HIBADH: variants seen among roughly 807,000 people sequenced by gnomAD.
HIBADH encodes 3-hydroxyisobutyrate dehydrogenase.
HIBADH carries 25 observed loss-of-function variants against 36.1 expected under a neutral mutation model. That is an observed-to-expected ratio of 0.69 (90% CI 0.50 to 0.97). HIBADH has a LOEUF of 0.97. Ranked by LOEUF, HIBADH falls within the 50% of genes least tolerant of loss-of-function variation. The probability of loss-of-function intolerance (pLI) is 0.00; values close to 1 mark genes in which losing one functional copy is unlikely to be tolerated. For synonymous variants in HIBADH, 160 were observed against 149.5 expected, an observed-to-expected ratio of 1.07 and a Z score of -0.51; for missense variants, 421 against 418.0, an observed-to-expected ratio of 1.01 and a Z score of -0.06.
intron 4 of HIBADH, among the ~76,000 whole-genome samples, chr7:27,580,067 T>C (rs1784767297): frequency 6.6e-6 from 1 of 152,168 alleles, no homozygotes; most frequent in Non-Finnish European, 1.5e-5. Flanking sequence ...TAGAACTAAA[T>C]TAAAATACAT....
At chr7:27,632,577 G>C in intron 2 of HIBADH, 132 bp from the exon 3 acceptor site, 13 of 219,464 alleles carry the variant, frequency 5.9e-5, no homozygotes, top group East Asian at 2.0e-4. Context: ...GTTTGCAAAT[G>C]ACCAAAAAAA....
chr7:27,612,959 T>TTATTTATATATATATTATATATA (rs1785347963), intron 4 of HIBADH, among the ~76,000 whole-genome samples: 1 of 138,738 alleles, frequency 7.2e-6, no homozygotes, highest in African/African-American at 2.6e-5. Flanking sequence ...TATATATATA[T>TTATTTATATATATATTATATATA]TATTTATATA....
At chr7:27,546,327 C>T (rs1048577199) in intron 4 of HIBADH, among the ~76,000 whole-genome samples, 5 of 151,994 alleles carry the variant, frequency 3.3e-5, no homozygotes, top group African/African-American at 9.7e-5. Flanking sequence ...CTTTATTGCC[C>T]AGGTTGGTCT....
At chr7:27,623,912 C>T (rs1186516064) in intron 4 of HIBADH, among the ~76,000 whole-genome samples, 2 of 152,200 alleles carry the variant, frequency 1.3e-5, no homozygotes, top group Admixed American at 1.3e-4. Flanking sequence ...ATTCTCCCGC[C>T]TCAGCCTACC....
intron 4 of HIBADH, among the ~76,000 whole-genome samples, chr7:27,590,776 A>G (rs1333052350): frequency 6.6e-6 from 1 of 152,222 alleles, no homozygotes; most frequent in African/African-American, 2.4e-5. Flanking sequence ...GTTTGGTCAT[A>G]ATATTAGCAA....
At chr7:27,580,654 T>C (rs1369217426) in intron 4 of HIBADH, among the ~76,000 whole-genome samples, 1 of 152,222 alleles carries the variant, frequency 6.6e-6, no homozygotes, top group African/African-American at 2.4e-5. Flanking sequence ...CATTCACTCA[T>C]CTATCCATTA....
chr7:27,568,773 T>C (rs1784584476), intron 4 of HIBADH, among the ~76,000 whole-genome samples: 1 of 152,166 alleles, frequency 6.6e-6, no homozygotes, highest in South Asian at 2.1e-4. Context: ...CCAGCCAACA[T>C]TTTTTCTATG....
intron 4 of HIBADH, among the ~76,000 whole-genome samples, chr7:27,568,905 C>CTTT (rs70994660): frequency 6.9e-6 from 1 of 144,686 alleles, no homozygotes; most frequent in Non-Finnish European, 1.5e-5. Context: ...TTTCAGCCAC[C>CTTT]TTTTTTTTTT....
rs1785759050 is a variant in HIBADH at position 27,632,228 on chromosome 7, C to G, written c.362+108G>C. 1.1e-5 allele frequency: 8 copies of G among 719,648 alleles called. No homozygotes were observed. In the South Asian group the frequency reaches 1.5e-4, roughly 13 times the overall value. 44.6% of individuals were successfully genotyped at this position (719,648 alleles called of 1,614,324 possible). On this transcript the variant is annotated intron_variant, in intron 3 of 7. Coordinates refer to ENST00000265395, the MANE Select transcript of HIBADH (RefSeq NM_152740.4). ...CACTATTCACTTTATGAAATAAAAACAGTATAGAAAGGTTTAACAAACACA... is the reference window on the plus strand; with the variant it reads ...CACTATTCACTTTATGAAATAAAAAGAGTATAGAAAGGTTTAACAAACACA...
intron 1 of HIBADH, among the ~76,000 whole-genome samples, chr7:27,658,861 A>T (rs188778188): frequency 3.3e-5 from 5 of 152,250 alleles, no homozygotes; most frequent in Admixed American, 2.0e-4. Context: ...CAGTTACTAA[A>T]CTAAGGGTGA....
chr7:27,537,142 C>G (rs1164589441), intron 6 of HIBADH, among the ~76,000 whole-genome samples: 1 of 151,140 alleles, frequency 6.6e-6, no homozygotes, highest in Non-Finnish European at 1.5e-5. Context: ...CTGAAAAGGT[C>G]CCTATATACT....
intron 2 of HIBADH, among the ~76,000 whole-genome samples, chr7:27,634,075 T>C (rs1785794571): frequency 6.6e-6 from 1 of 152,196 alleles, no homozygotes; most frequent in Non-Finnish European, 1.5e-5. Context: ...AAATTCAGGA[T>C]AAATGTAGCT....
At chr7:27,650,154 C>T (rs1388625641) in intron 1 of HIBADH, among the ~76,000 whole-genome samples, 4 of 151,752 alleles carry the variant, frequency 2.6e-5, no homozygotes, top group African/African-American at 9.7e-5. Flanking sequence ...TATTATCTCC[C>T]TTAATAATGT....
rs139341785 is a variant in HIBADH at position 27,621,454 on chromosome 7, T to C, written c.484+7917A>G. Among the ~76,000 whole-genome samples, 68 of 152,334 alleles carry C rather than the reference T, an allele frequency of 4.5e-4. No individual in the cohort carries two copies. The East Asian group carries it at 5.4e-3, about 12-fold the overall frequency. ...TCAGTATATGGAACATTCTCCAGAA[T>C]AGACCTTTTATTAGGCCACAAAATA... On this transcript the variant is annotated intron_variant, in intron 4 of 7. Coordinates refer to ENST00000265395, the MANE Select transcript of HIBADH (RefSeq NM_152740.4).
At chr7:27,570,572 G>A (rs1162657024) in intron 4 of HIBADH, among the ~76,000 whole-genome samples, 1 of 152,054 alleles carries the variant, frequency 6.6e-6, no homozygotes, top group Non-Finnish European at 1.5e-5. Context: ...GGAGTTTCTG[G>A]AGTGATAGAA....
intron 4 of HIBADH, among the ~76,000 whole-genome samples, chr7:27,563,759 T>C (rs575021316): frequency 4.1e-4 from 63 of 152,212 alleles, no homozygotes; most frequent in Admixed American, 1.4e-3. Context: ...GGTTGTTTTA[T>C]TGTTGACTTT....
intron 4 of HIBADH, among the ~76,000 whole-genome samples, chr7:27,583,639 A>G (rs1318783201): frequency 6.6e-6 from 1 of 152,012 alleles, no homozygotes; most frequent in African/African-American, 2.4e-5. Context: ...CTGATTCATA[A>G]TATGTAATTT....
chr7:27,590,147 T>A (rs1784919378), intron 4 of HIBADH, among the ~76,000 whole-genome samples: 1 of 152,126 alleles, frequency 6.6e-6, no homozygotes, highest in African/African-American at 2.4e-5. Context: ...ATATGCCCAC[T>A]CCAAGAGATT....
intron 4 of HIBADH, among the ~76,000 whole-genome samples, chr7:27,609,356 A>G (rs1483230533): frequency 6.6e-6 from 1 of 152,192 alleles, no homozygotes; most frequent in Non-Finnish European, 1.5e-5. Flanking sequence ...ATGTAAAAAG[A>G]GATTTTTATG....
Sources: gnomAD v4.1 joint callset for allele counts (sites outside exome capture counted in the v4.1 genomes callset) on GRCh38, gnomAD v4.1.1 for gene constraint, MANE v1.5 for transcripts, NCBI Gene and HGNC (gene_info 2026-07-23, HGNC 2026-07-21) for gene names.